CDON: variants seen among roughly 807,000 people sequenced by gnomAD.
The protein encoded by CDON is cell adhesion molecule-related/down-regulated by oncogenes.
In CDON, 73 loss-of-function variants were observed where a neutral mutation model predicts 120.9. The observed-to-expected ratio is 0.60, with a 90% CI of 0.50 to 0.73. The LOEUF (loss-of-function observed/expected upper bound fraction) is 0.73, where lower values mean the gene tolerates loss of function less well. CDON is among the 30% of genes least tolerant of loss of function. The pLI is 0.00. For missense variants in CDON, 1,470 were observed against 1,587.3 expected (o/e 0.93, Z 1.26); for synonymous variants, 566 against 573.5 (o/e 0.99, Z 0.19).
At position 126,023,420 on chromosome 11, in the gene CDON, C is replaced by G; in HGVS notation, c.57G>C (p.Leu19=). Residue 19 remains leucine (L), a synonymous_variant, in exon 2 of 20, where the codon CTG becomes CTC. Coordinates refer to ENST00000531738, the MANE Select transcript of CDON (RefSeq NM_001378964.1). The part of the protein sequence containing the change: ...CTLLYVTLTI[L]CSSVSSDLAP... ...TCTTACCTGAACTCACAGAAGAGCACAGAATTGTAAGAGTAACATACAGCA... is the reference window on the plus strand; with the variant it reads ...TCTTACCTGAACTCACAGAAGAGCAGAGAATTGTAAGAGTAACATACAGCA... 6.2e-7 allele frequency: 1 copy of G among 1,612,018 alleles called. No homozygotes were observed. Among genetic ancestry groups the G allele is most frequent in the Non-Finnish European group, 8.5e-7 (1 of 1,178,134 alleles).
chr11:126,019,845 A>G, intron 3 of CDON, 80 bp from the exon 4 acceptor site: 1 of 1,296,132 alleles, frequency 7.7e-7, no homozygotes, highest in Non-Finnish European at 1.1e-6. Context: ...CAAATTAGAA[A>G]CAACATCTGC....
Position 126,037,231 on chromosome 11 carries a change from A to G in CDON, c.-61-13694T>C, listed in dbSNP as rs541971239. The stretch of plus-strand genomic sequence containing the variant: ...ATCCTCCCACCTCAGCCTCCCGAGT[A>G]GCTGGACCACAGGTGTGCACCACCA... On this transcript the variant is annotated intron_variant, in intron 1 of 19. Transcript: ENST00000531738. 5.8e-4 allele frequency among the ~76,000 whole-genome samples: 88 copies of G among 152,018 alleles called. No homozygotes were observed. In the South Asian group the frequency reaches 0.018, roughly 31 times the overall value.
chr11:125,971,379 T>C (rs1591549818), intron 18 of CDON, among the ~76,000 whole-genome samples: 1 of 143,610 alleles, frequency 7.0e-6, no homozygotes, highest in South Asian at 2.2e-4. Flanking sequence ...CGAGACTCTG[T>C]CTCTAAATAA....
rs765042657 is a variant in CDON at position 125,961,832 on chromosome 11, T to C, written c.3523A>G (p.Ser1175Gly). Residue 1175 changes from serine to glycine, a missense_variant, in exon 19 of 20, where the codon AGC becomes GGC. Ser to Gly is a moderately conservative substitution (Grantham distance 56). Coordinates refer to ENST00000531738, the MANE Select transcript of CDON (RefSeq NM_001378964.1). Reference protein sequence around the residue: ...VPDCGQLPEESVKDNVEPVPT... With the variant: ...VPDCGQLPEEGVKDNVEPVPT... The stretch of plus-strand genomic sequence containing the variant: ...ACTGGTTCCACATTGTCCTTGACGC[T>C]CTCCTCCGGCAACTGGCCACAATCA... The C allele has an allele frequency of 5.3e-5, 85 of 1,614,122 alleles. No individual in the cohort carries two copies. The highest frequency in any genetic ancestry group is 6.8e-5 in the Non-Finnish European group (80 of 1,180,042).
intron 18 of CDON, among the ~76,000 whole-genome samples, chr11:125,971,058 T>C (rs1209278864): frequency 6.6e-6 from 1 of 152,078 alleles, no homozygotes; most frequent in African/African-American, 2.4e-5. Flanking sequence ...GCAAACCAAC[T>C]GGGTAGATCA....
At chr11:126,040,554 G>GC (rs1256395520) in intron 1 of CDON, among the ~76,000 whole-genome samples, 1 of 152,122 alleles carries the variant, frequency 6.6e-6, no homozygotes, top group Non-Finnish European at 1.5e-5. Context: ...GGTGGCTCAC[G>GC]CCTATAATCC....
At chr11:126,010,195 A>G (rs762798241) in intron 8 of CDON, 146 bp downstream of exon 8, 20 of 655,608 alleles carry the variant, frequency 3.1e-5, no homozygotes, top group Non-Finnish European at 4.9e-5. Context: ...GTGAAATACC[A>G]AGAAATACAG....
intron 7 of CDON, chr11:126,011,023 C>T (rs1947288596): frequency 2.5e-6 from 1 of 405,982 alleles, no homozygotes; most frequent in African/African-American, 2.1e-5. Flanking sequence ...AGGTTGAAAC[C>T]TCAGACCTTA....
chr11:125,965,864 G>A (rs954782204), intron 18 of CDON, among the ~76,000 whole-genome samples: 5 of 152,182 alleles, frequency 3.3e-5, no homozygotes, highest in African/African-American at 7.2e-5. Context: ...CCTGGTTACT[G>A]TGGCTCACAC....
chr11:126,061,879 G>C (rs1948805724), intron 1 of CDON, among the ~76,000 whole-genome samples: 1 of 152,190 alleles, frequency 6.6e-6, no homozygotes, highest in East Asian at 1.9e-4. Flanking sequence ...CCTTCCACCT[G>C]ATTTGGTGGG....
At chr11:126,022,821 T>TA (rs1947679060) in intron 2 of CDON, among the ~76,000 whole-genome samples, 1 of 152,242 alleles carries the variant, frequency 6.6e-6, no homozygotes, top group Non-Finnish European at 1.5e-5. Flanking sequence ...TATCTACTTA[T>TA]ATATTCATCT....
rs143213791 is a variant in CDON, at chr11:126,005,946, G to A, written c.1664C>T (p.Pro555Leu). ...GSETGLLSSF[P>L]VKVHPSAVES... ...CACTGCACTGGGATGGACCTTCACC[G>A]GAAATGAGCTCAGTAACCCAGTTTC... Residue 555 changes from proline to leucine, a missense_variant, in exon 9 of 20, where the codon CCG becomes CTG. Coordinates refer to ENST00000531738, the MANE Select transcript of CDON (RefSeq NM_001378964.1). 75 of 1,613,952 alleles carry A rather than the reference G, an allele frequency of 4.6e-5. No individual in the cohort carries two copies. Among genetic ancestry groups the A allele is most frequent in the Admixed American group, 1.0e-4 (6 of 59,992 alleles).
At chr11:125,995,890 T>C (rs188034204) in intron 12 of CDON, among the ~76,000 whole-genome samples, 235 of 152,326 alleles carry the variant, frequency 1.5e-3, no homozygotes, top group African/African-American at 3.9e-3. Context: ...CTGAAAAAAA[T>C]TGCCATGAAA....
At chr11:125,974,852 A>G (rs149398723) in intron 18 of CDON, among the ~76,000 whole-genome samples, 42 of 152,272 alleles carry the variant, frequency 2.8e-4, no homozygotes, top group African/African-American at 9.9e-4. Context: ...TCTTATTACT[A>G]TGACTACCAC....
At chr11:125,971,319 C>A (rs1163791992) in intron 18 of CDON, among the ~76,000 whole-genome samples, 1 of 151,780 alleles carries the variant, frequency 6.6e-6, no homozygotes, top group Non-Finnish European at 1.5e-5. Context: ...GGAGGTGGAG[C>A]TTGCAGTGAG....
At chr11:125,970,244 G>A (rs552798154) in intron 18 of CDON, among the ~76,000 whole-genome samples, 12 of 144,292 alleles carry the variant, frequency 8.3e-5, no homozygotes, top group African/African-American at 1.6e-4. Context: ...GCGCGATCTC[G>A]ACTCACCGCA....
chr11:125,980,315 T>G (rs1946261300), intron 17 of CDON, among the ~76,000 whole-genome samples: 1 of 152,216 alleles, frequency 6.6e-6, no homozygotes, highest in South Asian at 2.1e-4. Flanking sequence ...TTATCACTCT[T>G]TGTGTGGCTA....
intron 12 of CDON, among the ~76,000 whole-genome samples, chr11:125,995,275 A>C (rs1034657339): frequency 6.6e-6 from 1 of 152,184 alleles, no homozygotes; most frequent in African/African-American, 2.4e-5. Context: ...CAAGATCCCA[A>C]GACCTTCTTA....
intron 1 of CDON, among the ~76,000 whole-genome samples, chr11:126,025,396 G>C (rs1037060111): frequency 1.2e-4 from 19 of 152,094 alleles, no homozygotes; most frequent in Admixed American, 1.2e-3. Flanking sequence ...TGGTAGTTCA[G>C]GGTAGAATGG....
Sources: allele counts gnomAD v4.1 joint callset (sites outside exome capture counted in the v4.1 genomes callset), GRCh38; gene constraint gnomAD v4.1.1; transcripts MANE v1.5; gene names NCBI Gene and HGNC (gene_info 2026-07-23, HGNC 2026-07-21).